The following LRRC4C variants were observed in gnomAD, a reference collection of about 807,000 sequenced individuals.
LRRC4C encodes leucine-rich repeat-containing protein 4C.
LRRC4C carries 5 observed loss-of-function variants against 33.6 expected under a neutral mutation model. The observed-to-expected ratio is 0.15, with a 90% CI of 0.08 to 0.31. The LOEUF (loss-of-function observed/expected upper bound fraction) is 0.31, where lower values mean the gene tolerates loss of function less well. Among genes scored for constraint, LRRC4C ranks in the 10% least tolerant of loss-of-function variants. The pLI is 1.00. For synonymous variants in LRRC4C, 329 were observed against 302.0 expected (o/e 1.09, Z -0.93); for missense variants, 560 against 796.7 (o/e 0.70, Z 3.58).
intron 1 of LRRC4C, among the ~76,000 whole-genome samples, chr11:41,019,592 C>A (rs1189825584): frequency 2.0e-5 from 3 of 152,068 alleles, no homozygotes; most frequent in Admixed American, 6.6e-5. Context: ...TGAGGAATCA[C>A]CACACTGTCT....
At chr11:40,890,500 C>T (rs1019465388) in intron 2 of LRRC4C, among the ~76,000 whole-genome samples, 2 of 152,156 alleles carry the variant, frequency 1.3e-5, no homozygotes, top group African/African-American at 4.8e-5. Context: ...AATACTGTTG[C>T]ATTTAGGATT....
At chr11:40,861,310 G>A (rs1369568061) in intron 2 of LRRC4C, among the ~76,000 whole-genome samples, 1 of 152,134 alleles carries the variant, frequency 6.6e-6, no homozygotes, top group East Asian at 1.9e-4. Context: ...CAGCTCCAAG[G>A]AGACCTGGGA....
At chr11:40,430,821 A>T (rs1950892179) in intron 3 of LRRC4C, among the ~76,000 whole-genome samples, 1 of 151,564 alleles carries the variant, frequency 6.6e-6, no homozygotes, top group South Asian at 2.1e-4. Flanking sequence ...ATTGGAAATC[A>T]TCATTCTCAG....
chr11:40,359,896 T>C (rs1947868961), intron 3 of LRRC4C, among the ~76,000 whole-genome samples: 1 of 152,158 alleles, frequency 6.6e-6, no homozygotes, highest in East Asian at 1.9e-4. Flanking sequence ...TCATAATGCC[T>C]ATGAGATTCA....
At chr11:40,347,289 A>C (rs1947179474) in intron 3 of LRRC4C, among the ~76,000 whole-genome samples, 1 of 152,192 alleles carries the variant, frequency 6.6e-6, no homozygotes. Flanking sequence ...AATCTCTGCT[A>C]GCTTGAAATT....
intron 2 of LRRC4C, among the ~76,000 whole-genome samples, chr11:40,852,832 A>G (rs1259053192): frequency 6.6e-6 from 1 of 152,224 alleles, no homozygotes; most frequent in Non-Finnish European, 1.5e-5. Flanking sequence ...TCTAGCACCA[A>G]CAGAGAACTG....
intron 3 of LRRC4C, among the ~76,000 whole-genome samples, chr11:40,595,255 A>G (rs1394953967): frequency 6.6e-6 from 1 of 152,044 alleles, no homozygotes; most frequent in East Asian, 1.9e-4. Context: ...TCTGCAAAAA[A>G]AAATCATGAT....
At chr11:40,665,271 T>C (rs1591408456) in intron 2 of LRRC4C, among the ~76,000 whole-genome samples, 2 of 119,110 alleles carry the variant, frequency 1.7e-5, no homozygotes, top group Non-Finnish European at 3.6e-5. Context: ...AACAACCAGC[T>C]TGAGAAGAAC....
intron 1 of LRRC4C, among the ~76,000 whole-genome samples, chr11:40,945,899 C>A (rs1958376139): frequency 4.6e-5 from 7 of 152,126 alleles, no homozygotes; most frequent in Admixed American, 4.6e-4. Flanking sequence ...AAATTCAACC[C>A]ACAATACTTT....
intron 1 of LRRC4C, among the ~76,000 whole-genome samples, chr11:41,303,357 G>A (rs375454028): frequency 0.048 from 5,633 of 117,138 alleles, 180 homozygotes; most frequent in South Asian, 0.082. Context: ...CCGAGGTGCC[G>A]GGATTGCAGA....
chr11:40,775,513 G>GTTATT (rs1235803975), intron 2 of LRRC4C, among the ~76,000 whole-genome samples: 2 of 152,022 alleles, frequency 1.3e-5, no homozygotes, highest in South Asian at 4.1e-4. Context: ...TGCATTTTTA[G>GTTATT]TTATTTTATT....
At chr11:40,246,070 T>C (rs1238187765) in intron 4 of LRRC4C, among the ~76,000 whole-genome samples, 1 of 150,732 alleles carries the variant, frequency 6.6e-6, no homozygotes, top group Non-Finnish European at 1.5e-5. Flanking sequence ...GCCTCCTGGG[T>C]TCAAGTGATT....
intron 1 of LRRC4C, among the ~76,000 whole-genome samples, chr11:41,169,476 A>G (rs753489593): frequency 5.9e-5 from 9 of 152,108 alleles, no homozygotes; most frequent in Admixed American, 6.6e-5. Flanking sequence ...TACTGATTCT[A>G]TAACTATGCT....
intron 1 of LRRC4C, among the ~76,000 whole-genome samples, chr11:41,138,081 T>C (rs554890155): frequency 6.2e-4 from 94 of 152,356 alleles, no homozygotes; most frequent in Non-Finnish European, 2.6e-4. Flanking sequence ...CACTTATTCA[T>C]GTATTCATTC....
rs138619054 is a variant in LRRC4C, at chr11:41,366,866, T to C, written c.-496+92565A>G. On this transcript the variant is annotated intron_variant, in intron 1 of 6. Coordinates refer to ENST00000528697, the MANE Select transcript of LRRC4C (RefSeq NM_001258419.2). ...GTCTCCAGAATTGTGAGAAAAGAAA[T>C]TTTTCTTCTTTAAGCCACCTAGACT... Among the ~76,000 whole-genome samples the C allele has an allele frequency of 7.6e-4, 115 of 152,268 alleles. No homozygotes were observed. The East Asian group carries it at 0.021, about 28-fold the overall frequency.
At position 40,984,893 on chromosome 11, in the gene LRRC4C, C is replaced by CTTTTT. The variant is rs562785410; in HGVS notation, c.-495-51175_-495-51171dup. 3.6e-3 allele frequency among the ~76,000 whole-genome samples: 187 copies of CTTTTT among 52,242 alleles called. 40 individuals are homozygous for CTTTTT. The highest frequency in any genetic ancestry group is 8.2e-3 in the African/African-American group (130 of 15,832). 34.3% of individuals were successfully genotyped at this position (52,242 alleles called of 152,430 possible). A position where few individuals can be genotyped will look rare whatever the true frequency, so the allele number is the denominator to read the frequency against. ...CACGACAACTCTGTTCTCACTGACACTTTTTTTTTTTTTTTTTTTTTTTTT... is the reference window on the plus strand; with the variant it reads ...CACGACAACTCTGTTCTCACTGACACTTTTTTTTTTTTTTTTTTTTTTTTTTTTTT... On this transcript the variant is annotated intron_variant, in intron 1 of 6. Transcript: ENST00000528697.
chr11:41,207,083 C>T (rs564393115), intron 1 of LRRC4C, among the ~76,000 whole-genome samples: 24 of 152,204 alleles, frequency 1.6e-4, no homozygotes, highest in African/African-American at 5.8e-4. Context: ...TGCCAGTACC[C>T]AGTCCTCCTT....
At chr11:40,588,745 G>A (rs530709910) in intron 3 of LRRC4C, among the ~76,000 whole-genome samples, 12 of 152,244 alleles carry the variant, frequency 7.9e-5, no homozygotes, top group East Asian at 5.8e-4. Context: ...CCCAGTAGTC[G>A]TTCAGGAGCA....
intron 5 of LRRC4C, among the ~76,000 whole-genome samples, chr11:40,201,739 G>A (rs777963364): frequency 1.1e-4 from 16 of 152,152 alleles, no homozygotes; most frequent in Non-Finnish European, 2.2e-4. Flanking sequence ...ATTCTAGAGG[G>A]AGCAGTGATT....
Sources: allele counts gnomAD v4.1 joint callset (sites outside exome capture counted in the v4.1 genomes callset), GRCh38; gene constraint gnomAD v4.1.1; transcripts MANE v1.5; gene names NCBI Gene and HGNC (gene_info 2026-07-23, HGNC 2026-07-21).